PRKG1: variants seen among roughly 807,000 people sequenced by gnomAD.
PRKG1 encodes protein kinase cGMP-dependent 1.
A neutral mutation model predicts 88.1 loss-of-function variants in PRKG1; 35 were observed. The ratio of observed to expected loss-of-function variants is 0.40; its 90% CI spans 0.30 to 0.53. The LOEUF is 0.53. PRKG1 is among the 20% of genes least tolerant of loss of function. The pLI, the probability that PRKG1 is intolerant of heterozygous loss-of-function variation, is 0.59. For missense variants in PRKG1, 540 were observed against 839.8 expected (o/e 0.64, Z 4.41); for synonymous variants, 303 against 292.5 (o/e 1.04, Z -0.37).
chr10:52,260,472 T>C (rs1841408161), intron 10 of PRKG1, among the ~76,000 whole-genome samples: 1 of 152,132 alleles, frequency 6.6e-6, no homozygotes, highest in Admixed American at 6.6e-5. Context: ...TCATTTCAAC[T>C]CATTTTAGAT....
At chr10:51,988,399 G>A (rs1844218350) in intron 5 of PRKG1, among the ~76,000 whole-genome samples, 1 of 151,942 alleles carries the variant, frequency 6.6e-6, no homozygotes, top group African/African-American at 2.4e-5. Context: ...ACTTGTATAT[G>A]ATTAAGTGTT....
chr10:51,219,932 C>T (rs189956011), intron 2 of PRKG1, among the ~76,000 whole-genome samples: 163 of 152,104 alleles, frequency 1.1e-3, no homozygotes, highest in African/African-American at 3.7e-3. Flanking sequence ...GATGTGATCT[C>T]GCTCCCCTGA....
chr10:51,043,576 T>C (rs563457245), intron 1 of PRKG1, among the ~76,000 whole-genome samples: 1 of 152,324 alleles, frequency 6.6e-6, no homozygotes, highest in African/African-American at 2.4e-5. Context: ...CTCATCAGAC[T>C]GTAAGGGGCA....
intron 3 of PRKG1, among the ~76,000 whole-genome samples, chr10:51,514,024 C>CA (rs199551348): frequency 4.5e-5 from 6 of 133,768 alleles, no homozygotes; most frequent in African/African-American, 1.4e-4. Context: ...AATAGAGACA[C>CA]AAAAAACCCT....
At chr10:51,288,112 TA>T (rs1355482700) in intron 2 of PRKG1, among the ~76,000 whole-genome samples, 16 of 150,550 alleles carry the variant, frequency 1.1e-4, no homozygotes, top group Non-Finnish European at 1.5e-4. Flanking sequence ...TTTTTCTTCC[TA>T]TTTTTTTATT....
chr10:52,068,109 A>G (rs12248881), intron 7 of PRKG1, among the ~76,000 whole-genome samples: 2,463 of 126,844 alleles, frequency 0.019, 156 homozygotes, highest in African/African-American at 0.06. Flanking sequence ...AGGCTGAGGC[A>G]GGAGAATGGC....
chr10:51,907,569 A>G lies in PRKG1; in HGVS notation c.761A>G (p.Glu254Gly). Residue 254 changes from glutamate (E) to glycine (G), a missense_variant and splice_region_variant, in exon 5 of 18, where the codon GAG becomes GGG. Around this residue, in one of 5 missense-constraint regions of PRKG1, gnomAD observed 400 missense variants for 562.7 expected, o/e 0.71. Coordinates refer to ENST00000373980, the MANE Select transcript of PRKG1 (RefSeq NM_006258.4). The stretch of plus-strand genomic sequence containing the variant: ...AGCAAGCTTGCTGATGTCCTTGAAG[A>G]GGTAATTGTTTTTAGCCTTTGAACT... ...ILSKLADVLE[E>G]THYENGEYII... The G allele has an allele frequency of 1.2e-6, 2 of 1,613,100 alleles. No homozygotes were observed. The highest frequency in any genetic ancestry group is 1.7e-6 in the Non-Finnish European group (2 of 1,179,282).
At chr10:51,222,060 A>C (rs1258454302) in intron 2 of PRKG1, among the ~76,000 whole-genome samples, 1 of 151,460 alleles carries the variant, frequency 6.6e-6, no homozygotes, top group Non-Finnish European at 1.5e-5. Context: ...TATTTGTATT[A>C]GACACGGGGT....
At position 51,316,257 on chromosome 10, in the gene PRKG1, C is replaced by T. The variant is rs73335608; in HGVS notation, c.479-151466C>T. ...ATGAGATACTACTTTGATTGTTGAA[C>T]GAAAAAAGTAAAGAAATAATTATGA... On this transcript the variant is annotated intron_variant, in intron 2 of 17. Coordinates refer to ENST00000373980, the MANE Select transcript of PRKG1 (RefSeq NM_006258.4). Among the ~76,000 whole-genome samples the T allele has an allele frequency of 7.5e-3, 1,140 of 151,674 alleles. 13 individuals carry two copies. Among genetic ancestry groups the T allele is most frequent in the African/African-American group, 0.025 (1,039 of 41,324 alleles).
At chr10:52,204,347 A>G (rs1452493233) in intron 9 of PRKG1, among the ~76,000 whole-genome samples, 1 of 152,038 alleles carries the variant, frequency 6.6e-6, no homozygotes, top group East Asian at 1.9e-4. Context: ...CGGCCTCCCA[A>G]AGTGCTAGGA....
At chr10:51,007,738 G>A (rs1257236544) in intron 1 of PRKG1, among the ~76,000 whole-genome samples, 2 of 152,216 alleles carry the variant, frequency 1.3e-5, no homozygotes, top group Admixed American at 6.5e-5. Flanking sequence ...CATTGCTTCT[G>A]TAGTTTTAAT....
chr10:52,001,723 C>T (rs575096436), intron 5 of PRKG1, among the ~76,000 whole-genome samples: 14 of 151,912 alleles, frequency 9.2e-5, no homozygotes, highest in African/African-American at 3.4e-4. Flanking sequence ...TAAAAATAAC[C>T]TCTACCACCA....
At chr10:51,515,240 T>G (rs1428225248) in intron 3 of PRKG1, among the ~76,000 whole-genome samples, 1 of 152,212 alleles carries the variant, frequency 6.6e-6, no homozygotes, top group Non-Finnish European at 1.5e-5. Flanking sequence ...CAGTTTTATT[T>G]CGTTCACAAG....
intron 12 of PRKG1, among the ~76,000 whole-genome samples, chr10:52,275,559 T>C (rs1271433317): frequency 6.6e-6 from 1 of 152,190 alleles, no homozygotes; most frequent in African/African-American, 2.4e-5. Flanking sequence ...TTTGTACCAG[T>C]GCTATGCTGT....
At chr10:51,593,382 G>A (rs77656049) in intron 3 of PRKG1, among the ~76,000 whole-genome samples, 4,554 of 152,072 alleles carry the variant, frequency 0.03, 125 homozygotes, top group Middle Eastern at 0.071. Flanking sequence ...TTAAATATTC[G>A]CTTTCTTATT....
rs1016598237 is a variant in PRKG1, at chr10:51,788,734, G to A, written c.593-15851G>A. On this transcript the variant is annotated intron_variant, in intron 3 of 17. Transcript: ENST00000373980. ...TCACAAATTATGGCTGTGGAGTCTA[G>A]CCTTAAGGTGGCAGCGAACTGAGGT... Among the ~76,000 whole-genome samples the A allele has an allele frequency of 5.3e-5, 8 of 152,226 alleles. No homozygotes were observed. In the South Asian group the frequency reaches 1.7e-3, roughly 32 times the overall value.
chr10:52,172,372 A>G (rs1028828391), intron 9 of PRKG1, among the ~76,000 whole-genome samples: 2 of 152,172 alleles, frequency 1.3e-5, no homozygotes, highest in Non-Finnish European at 2.9e-5. Context: ...CCATTGCTGT[A>G]TTAAGTAATG....
intron 2 of PRKG1, among the ~76,000 whole-genome samples, chr10:51,402,125 C>T (rs1837756701): frequency 6.6e-6 from 1 of 152,140 alleles, no homozygotes; most frequent in Non-Finnish European, 1.5e-5. Flanking sequence ...CTGATATATT[C>T]ATTAACATTT....
intron 2 of PRKG1, among the ~76,000 whole-genome samples, chr10:51,433,093 TG>T (rs1564492604): frequency 6.6e-6 from 1 of 152,146 alleles, no homozygotes; most frequent in African/African-American, 2.4e-5. Flanking sequence ...TCTTGATGCA[TG>T]TCTTCTGAAA....
Sources: allele counts gnomAD v4.1 joint callset (sites outside exome capture counted in the v4.1 genomes callset), GRCh38; gene constraint gnomAD v4.1.1; regional missense constraint gnomAD v4.1.1; transcripts MANE v1.5; gene names NCBI Gene and HGNC (gene_info 2026-07-23, HGNC 2026-07-21).